GLG1: variants seen among roughly 807,000 people sequenced by gnomAD.
GLG1 encodes Golgi apparatus protein 1.
Under a neutral mutation model 160.5 loss-of-function variants are expected in GLG1, and 38 were observed. The observed-to-expected ratio is 0.24, with a 90% CI of 0.18 to 0.31. GLG1 has a LOEUF of 0.31. Ranked by LOEUF, GLG1 falls within the 10% of genes least tolerant of loss-of-function variation. The pLI, the probability that GLG1 is intolerant of heterozygous loss-of-function variation, is 1.00. For synonymous variants in GLG1, 644 were observed against 543.4 expected (o/e 1.19, Z -2.57); for missense variants, 1,373 against 1,505.2 (o/e 0.91, Z 1.45).
At chr16:74,604,982 G>T (rs1330246199) in intron 1 of GLG1, among the ~76,000 whole-genome samples, 4 of 152,128 alleles carry the variant, frequency 2.6e-5, no homozygotes, top group African/African-American at 9.7e-5. Context: ...GGAGGTGGAG[G>T]TTGCAGTGAG....
Position 74,521,133 on chromosome 16 carries a change from G to A in GLG1, c.471+10988C>T, listed in dbSNP as rs1457116907. ...AGCGAATGCAAAAGTCCCGAGTCAG[G>A]AACATTTTCTGAGTATCTGAAGAAT... On this transcript the variant is annotated intron_variant, in intron 2 of 25. Coordinates refer to ENST00000422840, the MANE Select transcript of GLG1 (RefSeq NM_001145667.2). Among the ~76,000 whole-genome samples the A allele has an allele frequency of 2.6e-5, 4 of 152,186 alleles. No homozygotes were observed. In the East Asian group the frequency reaches 7.7e-4, roughly 29 times the overall value.
rs1187807666 is a variant in GLG1 at position 74,496,557 on chromosome 16, A to C, written c.862T>G (p.Ser288Ala). The C allele has an allele frequency of 6.2e-7, 1 of 1,613,670 alleles. No individual in the cohort carries two copies. Residue 288 changes from serine (S) to alanine (A), a missense_variant, in exon 5 of 26, where the codon TCT becomes GCT. Physicochemically the swap from Ser to Ala is moderately conservative, Grantham distance 99 (BLOSUM62 1). Coordinates refer to ENST00000422840, the MANE Select transcript of GLG1 (RefSeq NM_001145667.2). The part of the protein sequence containing the change: ...AEEREPKIQV[S>A]ELCKKAILRV... ...AGAATGGCTTTCTTGCAGAGTTCAG[A>C]AACTTGAATCTTGGGTTCTCTTTCT...
chr16:74,489,544 G>A (rs2015909469), intron 8 of GLG1, among the ~76,000 whole-genome samples: 1 of 152,032 alleles, frequency 6.6e-6, no homozygotes, highest in Non-Finnish European at 1.5e-5. Flanking sequence ...AGGATGAAGT[G>A]CAAATATAGG....
intron 12 of GLG1, among the ~76,000 whole-genome samples, chr16:74,476,846 G>A (rs1340697320): frequency 1.3e-5 from 2 of 152,182 alleles, no homozygotes; most frequent in East Asian, 3.8e-4. Flanking sequence ...TCAACCAGGT[G>A]AGAAAAAATT....
At chr16:74,519,210 T>C (rs2017080024) in intron 2 of GLG1, among the ~76,000 whole-genome samples, 1 of 152,032 alleles carries the variant, frequency 6.6e-6, no homozygotes, top group African/African-American at 2.4e-5. Context: ...CTGGAAACCA[T>C]CATTCTCAGC....
intron 1 of GLG1, among the ~76,000 whole-genome samples, chr16:74,561,728 G>C (rs991796370): frequency 1.3e-5 from 2 of 152,128 alleles, no homozygotes; most frequent in African/African-American, 4.8e-5. Context: ...TACAAAATTG[G>C]TATTTAACAG....
intron 24 of GLG1, 73 bp from the exon 25 acceptor site, chr16:74,456,828 A>G (rs1440760046): frequency 5.5e-6 from 5 of 913,592 alleles, no homozygotes; most frequent in Non-Finnish European, 9.1e-6. Flanking sequence ...AAGATGAGGA[A>G]GAGGGTGCAC....
chr16:74,493,746 G>A (rs1024896493), intron 6 of GLG1, among the ~76,000 whole-genome samples: 13 of 152,184 alleles, frequency 8.5e-5, no homozygotes, highest in Non-Finnish European at 1.6e-4. Context: ...GATGCTTAAT[G>A]ATATAGCTGC....
At chr16:74,523,953 G>C (rs887948926) in intron 2 of GLG1, among the ~76,000 whole-genome samples, 42 of 152,082 alleles carry the variant, frequency 2.8e-4, no homozygotes, top group Admixed American at 8.5e-4. Flanking sequence ...GCTCACGCCT[G>C]TGTAATCCCA....
At chr16:74,579,700 T>TGACA (rs1202903048) in intron 1 of GLG1, among the ~76,000 whole-genome samples, 1 of 150,762 alleles carries the variant, frequency 6.6e-6, no homozygotes, top group Non-Finnish European at 1.5e-5. Context: ...CCAGCATGGG[T>TGACA]GACAGCAAGA....
At chr16:74,494,732 C>T in intron 6 of GLG1, 28 bp downstream of exon 6, 1 of 1,009,828 alleles carries the variant, frequency 9.9e-7, no homozygotes, top group South Asian at 1.3e-5. Context: ...ACAAATAAAA[C>T]ATTCATTAGT....
rs796318642 is a variant in GLG1, at chr16:74,535,625, C to T, written c.439-3472G>A. On this transcript the variant is annotated intron_variant, in intron 1 of 25. Coordinates refer to ENST00000422840, the MANE Select transcript of GLG1 (RefSeq NM_001145667.2). ...TTTTTTAAAATTTTATTGTACAGAC[C>T]GGGTCTCGCTATGTTGCCTAGGCTG... 1.0e-3 allele frequency among the ~76,000 whole-genome samples: 149 copies of T among 144,302 alleles called. 1 individual carries two copies. Among genetic ancestry groups the T allele is most frequent in the African/African-American group, 2.3e-3 (91 of 40,410 alleles). The allele number at this position is 144,302 out of a possible 152,430, so 94.7% of individuals were successfully genotyped here. A position where few individuals can be genotyped will look rare whatever the true frequency, so the allele number is the denominator to read the frequency against.
At chr16:74,573,959 A>G (rs746390277) in intron 1 of GLG1, among the ~76,000 whole-genome samples, 3 of 150,898 alleles carry the variant, frequency 2.0e-5, no homozygotes, top group Non-Finnish European at 4.4e-5. Context: ...ACACCCCACT[A>G]ATTTTTTGTA....
intron 2 of GLG1, among the ~76,000 whole-genome samples, chr16:74,527,067 A>C (rs1166106654): frequency 6.6e-6 from 1 of 152,166 alleles, no homozygotes; most frequent in Non-Finnish European, 1.5e-5. Flanking sequence ...ATACATCCTT[A>C]ACTTGGTCAC....
chr16:74,492,908 A>G, intron 7 of GLG1, 49 bp downstream of exon 7: 2 of 1,196,642 alleles, frequency 1.7e-6, no homozygotes, highest in Non-Finnish European at 2.3e-6. Flanking sequence ...TAGAGTGTGA[A>G]TCCAAAAAGG....
intron 1 of GLG1, among the ~76,000 whole-genome samples, chr16:74,576,405 T>C (rs1005061874): frequency 6.6e-6 from 1 of 152,204 alleles, no homozygotes; most frequent in African/African-American, 2.4e-5. Context: ...CCATTTTAAA[T>C]GAGTTGCATG....
At chr16:74,576,499 AACAC>A (rs2019008417) in intron 1 of GLG1, among the ~76,000 whole-genome samples, 1 of 152,186 alleles carries the variant, frequency 6.6e-6, no homozygotes, top group Non-Finnish European at 1.5e-5. Flanking sequence ...GGCTTTGCAG[AACAC>A]ATACAATCTC....
intron 3 of GLG1, among the ~76,000 whole-genome samples, chr16:74,508,585 A>C (rs978175900): frequency 6.6e-6 from 1 of 152,202 alleles, no homozygotes; most frequent in African/African-American, 2.4e-5. Context: ...CTGATACCTC[A>C]GCACTTTTAC....
intron 23 of GLG1, among the ~76,000 whole-genome samples, chr16:74,458,714 C>G (rs1278531600): frequency 6.6e-6 from 1 of 152,122 alleles, no homozygotes; most frequent in Non-Finnish European, 1.5e-5. Flanking sequence ...TAGATAAAGG[C>G]ACATTTGTTT....
Sources: gnomAD v4.1 joint callset for allele counts (sites outside exome capture counted in the v4.1 genomes callset) on GRCh38, gnomAD v4.1.1 for gene constraint, MANE v1.5 for transcripts, NCBI Gene and HGNC (gene_info 2026-07-23, HGNC 2026-07-21) for gene names.